Variants in PADI2 observed in about 807,000 individuals in gnomAD.
The protein encoded by PADI2 is protein-arginine deiminase type-2.
A neutral mutation model predicts 81.1 loss-of-function variants in PADI2; 70 were observed. The observed-to-expected ratio is 0.86, with a 90% confidence interval of 0.71 to 1.05. The LOEUF is 1.05. Ranked by LOEUF, PADI2 falls within the 50% of genes least tolerant of loss-of-function variation. The pLI is 0.00. For missense variants in PADI2, 853 were observed against 889.9 expected, an observed-to-expected ratio of 0.96 and a Z score of 0.53; for synonymous variants, 338 against 358.0, an observed-to-expected ratio of 0.94 and a Z score of 0.63.
intron 1 of PADI2, among the ~76,000 whole-genome samples, chr1:17,109,021 G>A (rs993477472): frequency 2.0e-5 from 3 of 152,140 alleles, no homozygotes; most frequent in Non-Finnish European, 4.4e-5. Flanking sequence ...TGGAACCAGA[G>A]CAGAGGTGGC....
rs950314674 is a variant in PADI2, at chr1:17,077,076, C to T, written c.1311-1253G>A. On this transcript the variant is annotated intron_variant, in intron 11 of 15. Coordinates refer to ENST00000375486, the MANE Select transcript of PADI2 (RefSeq NM_007365.3). ...ACTTGCTATCCCTTGGGGCTTTTCCCTTTGCTGTTCCTTCTGTATGGAATG... is the reference window on the plus strand; with the variant it reads ...ACTTGCTATCCCTTGGGGCTTTTCCTTTTGCTGTTCCTTCTGTATGGAATG... Among the ~76,000 whole-genome samples, 32 of 152,096 alleles carry T rather than the reference C, an allele frequency of 2.1e-4. 1 individual carries two copies. Among genetic ancestry groups the T allele is most frequent in the Admixed American group, 2.1e-3 (32 of 15,264 alleles).
At position 17,067,010 on chromosome 1, in the gene PADI2, A is replaced by T. The variant is rs748330157; in HGVS notation, c.*2034T>A. On this transcript the variant is annotated 3_prime_UTR_variant, in exon 16 of 16. Coordinates refer to ENST00000375486, the MANE Select transcript of PADI2 (RefSeq NM_007365.3). ...TAGAAAGTGGGGGTGGGGAAGAGCCATGAGTCCACGGGGGTATATCCACAC... is the reference window on the plus strand; with the variant it reads ...TAGAAAGTGGGGGTGGGGAAGAGCCTTGAGTCCACGGGGGTATATCCACAC... The T allele has an allele frequency of 6.6e-5, 10 of 152,062 alleles. No homozygotes were observed. Among genetic ancestry groups the T allele is most frequent in the Non-Finnish European group, 1.3e-4 (9 of 68,010 alleles). The allele number at this position is 152,062 out of a possible 1,614,324, so 9.4% of individuals were successfully genotyped here.
At chr1:17,099,042 G>T (rs1268585885) in intron 3 of PADI2, among the ~76,000 whole-genome samples, 3 of 152,240 alleles carry the variant, frequency 2.0e-5, no homozygotes, top group Non-Finnish European at 4.4e-5. Context: ...GCGTCAGGTG[G>T]CTCCTGGGTG....
In PADI2 at chr1:17,084,625, C is replaced by T; in HGVS notation, c.912G>A (p.Leu304=). 6.3e-7 allele frequency: 1 copy of T among 1,583,444 alleles called. No individual in the cohort carries two copies. The highest frequency in any genetic ancestry group is 8.6e-7 in the Non-Finnish European group (1 of 1,164,556). The change falls in exon 8 of 16, where the codon CTG becomes CTA. Residue 304 remains leucine, a synonymous_variant. Transcript: ENST00000375486. The stretch of plus-strand genomic sequence containing the variant: ...AGCACACAAACACCGACACGGGAGG[C>T]AGGATGTTGGGGGTCATGATCCACG... ...IAPWIMTPNI[L]PPVSVFVCCM...
intron 11 of PADI2, among the ~76,000 whole-genome samples, chr1:17,078,363 G>A (rs1054791017): frequency 2.0e-5 from 3 of 151,888 alleles, no homozygotes; most frequent in South Asian, 2.1e-4. Flanking sequence ...CACCCGCCTC[G>A]GCCTCCCAAA....
chr1:17,081,977 A>G (rs1208031267), intron 10 of PADI2, among the ~76,000 whole-genome samples: 1 of 152,112 alleles, frequency 6.6e-6, no homozygotes, highest in Non-Finnish European at 1.5e-5. Flanking sequence ...GCCAGGCATG[A>G]TGGTGCATGC....
chr1:17,074,392 C>A (rs1363698992), intron 13 of PADI2, among the ~76,000 whole-genome samples: 48 of 142,414 alleles, frequency 3.4e-4, no homozygotes, highest in East Asian at 1.9e-3. Context: ...AACTCTGTCT[C>A]AAAAAAAAAA....
chr1:17,069,315 A>G, intron 15 of PADI2, 38 bp from the exon 16 acceptor site: 1 of 1,490,600 alleles, frequency 6.7e-7, no homozygotes, highest in South Asian at 1.1e-5. Flanking sequence ...GCTTCCATTT[A>G]GTGAGCACCT....
intron 3 of PADI2, among the ~76,000 whole-genome samples, chr1:17,096,613 C>T (rs547521040): frequency 1.3e-5 from 2 of 152,318 alleles, no homozygotes; most frequent in East Asian, 3.9e-4. Flanking sequence ...CAGGGCCAGG[C>T]CCCCACTTAT....
In PADI2 at chr1:17,070,163, C is replaced by T. The variant is rs781327207; in HGVS notation, c.1689G>A (p.Glu563=). Residue 563 remains glutamate (E), a synonymous_variant, in exon 15 of 16, where the codon GAG becomes GAA. Transcript: ENST00000375486. ...GAGCGGGCAGGTCAATGATGTCCTG[C>T]TCTGTCAGTCCCAGCTCCTTCTTGA... ...DILKKELGLT[E]QDIIDLPALF... 4.3e-6 allele frequency: 7 copies of T among 1,614,150 alleles called. No homozygotes were observed. In the South Asian group the frequency reaches 4.4e-5, roughly 10 times the overall value.
intron 5 of PADI2, among the ~76,000 whole-genome samples, chr1:17,093,324 C>A (rs1022040596): frequency 1.3e-5 from 2 of 152,080 alleles, no homozygotes; most frequent in African/African-American, 4.8e-5. Flanking sequence ...TTGAACTCCT[C>A]ACCTCATGAT....
At chr1:17,074,822 C>G (rs766969953) in intron 13 of PADI2, 34 bp downstream of exon 13, 1 of 1,420,070 alleles carries the variant, frequency 7.0e-7, no homozygotes, top group East Asian at 2.3e-5. Context: ...GCCTCCAGCT[C>G]GCCACTTCCT....
At chr1:17,107,639 A>G (rs1439498946) in intron 1 of PADI2, among the ~76,000 whole-genome samples, 4 of 152,316 alleles carry the variant, frequency 2.6e-5, no homozygotes, top group South Asian at 2.1e-4. Context: ...ACTGCGGTCC[A>G]CTGCTGAGAG....
intron 1 of PADI2, among the ~76,000 whole-genome samples, chr1:17,107,465 T>C (rs1931424276): frequency 6.6e-6 from 1 of 152,158 alleles, no homozygotes; most frequent in Non-Finnish European, 1.5e-5. Context: ...CGGCGGCACC[T>C]GGAGGTCTTG....
intron 11 of PADI2, among the ~76,000 whole-genome samples, chr1:17,077,393 TGGCACAG>T (rs2078311373): frequency 1.3e-5 from 2 of 152,326 alleles, no homozygotes; most frequent in African/African-American, 4.8e-5. Context: ...GAATAGTGCC[TGGCACAG>T]AGTAGTTTCT....
chr1:17,082,911 C>T lies in PADI2; in HGVS notation c.1051-259G>A, dbSNP rs906324589. The T allele has an allele frequency of 1.4e-5, 5 of 362,184 alleles. No homozygotes were observed. The Admixed American group carries it at 2.2e-4, about 16-fold the overall frequency. 22.4% of individuals were successfully genotyped at this position (362,184 alleles called of 1,614,324 possible). ...TTTGAGACAGGGTCTCACTCTGTTG[C>T]CCAGGCTGGAGTGCAGTGCCATGAT... On this transcript the variant is annotated intron_variant, in intron 9 of 15. Coordinates refer to ENST00000375486, the MANE Select transcript of PADI2 (RefSeq NM_007365.3).
chr1:17,103,181 A>C, intron 2 of PADI2, 122 bp from the exon 3 acceptor site: 2 of 695,498 alleles, frequency 2.9e-6, no homozygotes, highest in Non-Finnish European at 5.2e-6. Flanking sequence ...CTCTCCAAAC[A>C]TCAGAACCCT....
chr1:17,087,468 C>G (rs1196830167), intron 6 of PADI2, among the ~76,000 whole-genome samples: 5 of 144,930 alleles, frequency 3.4e-5, no homozygotes, highest in Non-Finnish European at 4.5e-5. Flanking sequence ...ATCTCCATCA[C>G]AGTCTTTTTA....
intron 11 of PADI2, 180 bp downstream of exon 11, chr1:17,079,084 A>G: frequency 1.9e-6 from 1 of 535,376 alleles, no homozygotes; most frequent in Non-Finnish European, 3.3e-6. Flanking sequence ...TAAATCACAC[A>G]AAGATATAAA....
Sources: gnomAD v4.1 joint callset for allele counts (sites outside exome capture counted in the v4.1 genomes callset) on GRCh38, gnomAD v4.1.1 for gene constraint, MANE v1.5 for transcripts, NCBI Gene and HGNC (gene_info 2026-07-23, HGNC 2026-07-21) for gene names.